The following GLIS3 variants were observed in gnomAD, a reference collection of about 807,000 sequenced individuals.
GLIS3 encodes the protein zinc finger protein GLIS3.
GLIS3 carries 53 observed loss-of-function variants against 78.6 expected under a neutral mutation model. The observed-to-expected ratio is 0.67, with a 90% CI of 0.54 to 0.85. GLIS3 has a LOEUF of 0.85. GLIS3 is among the 40% of genes least tolerant of loss of function. The pLI is 0.00. For missense variants in GLIS3, 1,703 were observed against 1,231.1 expected, an observed-to-expected ratio of 1.38 and a Z score of -5.74; for synonymous variants, 684 against 509.9, an observed-to-expected ratio of 1.34 and a Z score of -4.60.
intron 2 of GLIS3, among the ~76,000 whole-genome samples, chr9:4,133,995 G>A (rs759423829): frequency 7.2e-5 from 11 of 152,120 alleles, no homozygotes; most frequent in Non-Finnish European, 1.3e-4. Flanking sequence ...GAACTAAGGT[G>A]TCAGGGACTA....
intron 4 of GLIS3, among the ~76,000 whole-genome samples, chr9:4,060,856 G>A (rs112270926): frequency 0.051 from 7,702 of 152,242 alleles, 296 homozygotes; most frequent in Middle Eastern, 0.082. Context: ...AGTTCATCCA[G>A]CCTCTGCCCA....
chr9:4,158,409 C>A (rs1293061841), intron 2 of GLIS3, among the ~76,000 whole-genome samples: 1 of 152,110 alleles, frequency 6.6e-6, no homozygotes, highest in Non-Finnish European at 1.5e-5. Context: ...TCACTGAATA[C>A]CACGATGAAG....
chr9:4,321,759 A>T (rs1170195130), intron 2 of GLIS3, among the ~76,000 whole-genome samples: 1 of 151,968 alleles, frequency 6.6e-6, no homozygotes, highest in Non-Finnish European at 1.5e-5. Context: ...TCCAGGCTGG[A>T]GTGCAGTGGC....
chr9:4,244,210 ACTCACCAGAATAG>A (rs1376636409), intron 2 of GLIS3, among the ~76,000 whole-genome samples: 1 of 152,142 alleles, frequency 6.6e-6, no homozygotes, highest in Non-Finnish European at 1.5e-5. Context: ...CTCTCAATCA[ACTCACCAGAATAG>A]CTCATGTCCT....
At chr9:4,189,570 A>C (rs575214062) in intron 2 of GLIS3, among the ~76,000 whole-genome samples, 1 of 152,092 alleles carries the variant, frequency 6.6e-6, no homozygotes, top group East Asian at 1.9e-4. Context: ...TGTCTCGTTG[A>C]TCTGTCTAAT....
the GLIS3 span, among the ~76,000 whole-genome samples, chr9:4,357,849 G>T: frequency 6.6e-6 from 1 of 152,186 alleles, no homozygotes; most frequent in East Asian, 1.9e-4. Context: ...CATTGAATCT[G>T]TGTCAATGGT....
At chr9:4,358,995 C>T in the GLIS3 span, among the ~76,000 whole-genome samples, 1 of 152,170 alleles carries the variant, frequency 6.6e-6, no homozygotes, top group Non-Finnish European at 1.5e-5. Context: ...CCATCCTCAG[C>T]AATCCCAACT....
At chr9:4,139,820 C>T (rs1055463221) in intron 2 of GLIS3, among the ~76,000 whole-genome samples, 7 of 152,210 alleles carry the variant, frequency 4.6e-5, no homozygotes, top group Non-Finnish European at 1.0e-4. Flanking sequence ...TCTAATCCCA[C>T]TGCTGATCTG....
intron 2 of GLIS3, among the ~76,000 whole-genome samples, chr9:4,244,082 T>C (rs1045527907): frequency 1.3e-5 from 2 of 152,236 alleles, no homozygotes; most frequent in African/African-American, 4.8e-5. Flanking sequence ...TCCACTCATC[T>C]TTCCAGCCCT....
In GLIS3 at chr9:4,277,493, G is replaced by C. The variant is rs10120609; in HGVS notation, c.388+8545C>G. ...TTTCTTAAACCAGGTCTTTACAAGA[G>C]ACACCAACCTTAAGTGACACAAAAG... On this transcript the variant is annotated intron_variant, in intron 2 of 10. Transcript: ENST00000381971. 6.8e-4 allele frequency among the ~76,000 whole-genome samples: 103 copies of C among 152,282 alleles called. 2 individuals are homozygous for C. The highest frequency in any genetic ancestry group is 2.3e-3 in the African/African-American group (94 of 41,548).
At chr9:3,967,526 GA>G (rs1392380685) in intron 4 of GLIS3, among the ~76,000 whole-genome samples, 2 of 152,044 alleles carry the variant, frequency 1.3e-5, no homozygotes, top group African/African-American at 4.8e-5. Flanking sequence ...AGAAAGAAAA[GA>G]AAAGAAAGAT....
Position 4,130,578 on chromosome 9 carries a change from G to A in GLIS3, c.389-4637C>T, listed in dbSNP as rs139912394. Among the ~76,000 whole-genome samples, 158 of 152,348 alleles carry A rather than the reference G, an allele frequency of 1.0e-3. 2 individuals carry two copies. In the East Asian group the frequency reaches 0.028, roughly 27 times the overall value. On this transcript the variant is annotated intron_variant, in intron 2 of 10. Transcript: ENST00000381971. Reference sequence around the variant, plus strand: ...GCTTCAGAGGGTGCAAACCATAGACGACTTGGTGGCTTCCACATGGTCTTA... The same window carrying A: ...GCTTCAGAGGGTGCAAACCATAGACAACTTGGTGGCTTCCACATGGTCTTA...
intron 6 of GLIS3, among the ~76,000 whole-genome samples, chr9:3,899,524 GAAA>G (rs138646196): frequency 6.9e-6 from 1 of 145,154 alleles, no homozygotes; most frequent in African/African-American, 2.5e-5. Context: ...AATTGAAATG[GAAA>G]AAAAAAACAA....
chr9:4,087,059 C>T (rs184198414), intron 4 of GLIS3, among the ~76,000 whole-genome samples: 3 of 152,196 alleles, frequency 2.0e-5, no homozygotes, highest in African/African-American at 4.8e-5. Flanking sequence ...TGGACTGGCC[C>T]TGAAAACATG....
intron 3 of GLIS3, 56 bp downstream of exon 3, chr9:4,125,678 A>G: frequency 1.5e-5 from 18 of 1,201,076 alleles, no homozygotes; most frequent in Non-Finnish European, 2.1e-5. Context: ...AACGGAAAAC[A>G]CTTGTGGGGT....
chr9:3,972,296 T>A (rs1818438255), intron 4 of GLIS3, among the ~76,000 whole-genome samples: 1 of 152,172 alleles, frequency 6.6e-6, no homozygotes, highest in African/African-American at 2.4e-5. Flanking sequence ...TCATCCCAGT[T>A]CTTTATTCCT....
chr9:3,855,283 T>C (rs1819696246), intron 9 of GLIS3, among the ~76,000 whole-genome samples: 1 of 152,238 alleles, frequency 6.6e-6, no homozygotes, highest in Non-Finnish European at 1.5e-5. Flanking sequence ...TAGACAATCA[T>C]TACCATTTCT....
intron 4 of GLIS3, among the ~76,000 whole-genome samples, chr9:4,308,409 A>G (rs567027205): frequency 6.6e-6 from 1 of 152,156 alleles, no homozygotes; most frequent in Admixed American, 6.5e-5. Context: ...AGAAGGAAGG[A>G]AGGGCGCTGG....
At position 3,977,156 on chromosome 9, in the gene GLIS3, G is replaced by C. The variant is rs894853843; in HGVS notation, c.1711-39967C>G. On this transcript the variant is annotated intron_variant, in intron 4 of 10. Coordinates refer to ENST00000381971, the MANE Select transcript of GLIS3 (RefSeq NM_001042413.2). This position sits in a 1 kb window ranked among gnomAD's most constrained non-coding sequence, Gnocchi z 4.1. ...AGGATCTGCAGAATTCACACCACTC[G>C]ATACCGAATGCTTACAACTCCCAAG... 6.6e-6 allele frequency among the ~76,000 whole-genome samples: 1 copy of C among 152,112 alleles called. No individual in the cohort carries two copies. Among genetic ancestry groups the C allele is most frequent in the Non-Finnish European group, 1.5e-5 (1 of 68,022 alleles).
Sources: allele counts gnomAD v4.1 joint callset (sites outside exome capture counted in the v4.1 genomes callset), GRCh38; gene constraint gnomAD v4.1.1; non-coding constraint Gnocchi (gnomAD v3.1); transcripts MANE v1.5; gene names NCBI Gene and HGNC (gene_info 2026-07-23, HGNC 2026-07-21).